ELMO1: variants seen among roughly 807,000 people sequenced by gnomAD.
The protein encoded by ELMO1 is engulfment and cell motility protein 1.
Under a neutral mutation model 98.9 loss-of-function variants are expected in ELMO1, and 26 were observed. The ratio of observed to expected loss-of-function variants is 0.26; its 90% CI spans 0.19 to 0.36. The LOEUF (loss-of-function observed/expected upper bound fraction) is 0.36, where lower values mean the gene tolerates loss of function less well. Ranked by LOEUF, ELMO1 falls within the 10% of genes least tolerant of loss-of-function variation. The pLI, the probability that ELMO1 is intolerant of heterozygous loss-of-function variation, is 1.00. For synonymous variants in ELMO1, 346 were observed against 346.0 expected (o/e 1.00, Z 0.00); for missense variants, 627 against 935.2 (o/e 0.67, Z 4.30).
intron 13 of ELMO1, among the ~76,000 whole-genome samples, chr7:37,188,466 A>ACC (rs1563065505): frequency 7.7e-6 from 1 of 129,488 alleles, no homozygotes; most frequent in African/African-American, 3.2e-5. Context: ...ACACACACAC[A>ACC]CACAGGCCAC....
At chr7:37,107,021 C>T (rs944881952) in intron 14 of ELMO1, among the ~76,000 whole-genome samples, 3 of 152,222 alleles carry the variant, frequency 2.0e-5, no homozygotes, top group Non-Finnish European at 4.4e-5. Context: ...CTTCCCCAAA[C>T]TATCAGCTGA....
intron 1 of ELMO1, among the ~76,000 whole-genome samples, chr7:37,437,462 T>C (rs1048005459): frequency 6.6e-6 from 1 of 152,254 alleles, no homozygotes; most frequent in African/African-American, 2.4e-5. Context: ...TCCCCGTCTG[T>C]ATTTTAACAG....
chr7:36,906,992 G>A (rs73106625), intron 16 of ELMO1, among the ~76,000 whole-genome samples: 1,709 of 152,090 alleles, frequency 0.011, 21 homozygotes, highest in Admixed American at 0.021. Context: ...TTCACTACTC[G>A]TCTCCCCAGC....
Position 36,854,183 on chromosome 7 carries a change from A to G in ELMO1, c.*1368T>C, listed in dbSNP as rs558786068. ...TGATGCTCAGAGCCTATGGTGACCT[A>G]GCAATGGTGGAGGGTTTCCCACAGC... On this transcript the variant is annotated 3_prime_UTR_variant, in exon 22 of 22. Transcript: ENST00000310758. Among the ~76,000 whole-genome samples the G allele has an allele frequency of 7.1e-3, 1,082 of 152,304 alleles. 13 individuals are homozygous for G. Among genetic ancestry groups the G allele is most frequent in the African/African-American group, 0.024 (1,017 of 41,546 alleles).
Position 37,072,878 on chromosome 7 carries a change from C to T in ELMO1, c.1300+23741G>A, listed in dbSNP as rs549692183. Among the ~76,000 whole-genome samples the T allele has an allele frequency of 2.0e-5, 3 of 152,272 alleles. No individual in the cohort carries two copies. The South Asian group carries it at 6.2e-4, about 32-fold the overall frequency. ...ATGTTTAACCTTTCTCATAAAAGAG[C>T]CAAGAATGAGACAATACCTTGAACT... On this transcript the variant is annotated intron_variant, in intron 15 of 21. Coordinates refer to ENST00000310758, the MANE Select transcript of ELMO1 (RefSeq NM_014800.11).
At chr7:36,967,164 C>T (rs1019035111) in intron 16 of ELMO1, among the ~76,000 whole-genome samples, 1 of 152,156 alleles carries the variant, frequency 6.6e-6, no homozygotes, top group Non-Finnish European at 1.5e-5. Context: ...TATCCTATTG[C>T]CTCTTCTCTA....
chr7:37,390,598 T>C (rs1803025105), intron 1 of ELMO1, among the ~76,000 whole-genome samples: 1 of 152,178 alleles, frequency 6.6e-6, no homozygotes, highest in Admixed American at 6.5e-5. Flanking sequence ...ATCCTTTTCA[T>C]GGTCCCCTAG....
chr7:37,385,031 C>CT (rs1335515686), intron 1 of ELMO1, among the ~76,000 whole-genome samples: 3 of 152,322 alleles, frequency 2.0e-5, no homozygotes, highest in African/African-American at 7.2e-5. Flanking sequence ...ATCGTAAACA[C>CT]TGTCTAGGAA....
At chr7:37,162,840 T>C (rs1375210252) in intron 13 of ELMO1, among the ~76,000 whole-genome samples, 1 of 152,204 alleles carries the variant, frequency 6.6e-6, no homozygotes, top group Non-Finnish European at 1.5e-5. Context: ...CACATAGGGT[T>C]CTTTTTTCCA....
intron 15 of ELMO1, among the ~76,000 whole-genome samples, chr7:37,083,149 C>G (rs1783567207): frequency 6.6e-6 from 1 of 152,248 alleles, no homozygotes; most frequent in South Asian, 2.1e-4. Context: ...GAATCCAGGT[C>G]TTCTAATGCT....
intron 18 of ELMO1, among the ~76,000 whole-genome samples, chr7:36,879,621 G>C (rs1804258458): frequency 6.6e-6 from 1 of 152,178 alleles, no homozygotes; most frequent in Non-Finnish European, 1.5e-5. Context: ...TCCACAAAAG[G>C]AGAGTGTCTC....
intron 13 of ELMO1, among the ~76,000 whole-genome samples, chr7:37,169,933 C>G (rs929151021): frequency 6.6e-6 from 1 of 152,082 alleles, no homozygotes; most frequent in Non-Finnish European, 1.5e-5. Flanking sequence ...GACAGTCTCA[C>G]TCTTGTCACC....
At chr7:37,229,602 C>T (rs935068087) in intron 8 of ELMO1, among the ~76,000 whole-genome samples, 1 of 152,048 alleles carries the variant, frequency 6.6e-6, no homozygotes, top group African/African-American at 2.4e-5. Flanking sequence ...ATTTCCTAGT[C>T]GATTTTTGTT....
intron 12 of ELMO1, among the ~76,000 whole-genome samples, chr7:37,212,087 G>C (rs1438918618): frequency 6.6e-6 from 1 of 152,212 alleles, no homozygotes. Flanking sequence ...CAATCTGGAT[G>C]AGCTTTGAAG....
intron 15 of ELMO1, among the ~76,000 whole-genome samples, chr7:37,081,618 T>C (rs1183129603): frequency 6.6e-6 from 1 of 152,324 alleles, no homozygotes; most frequent in East Asian, 1.9e-4. Flanking sequence ...GAAACCCCTT[T>C]CACTTGGCTC....
chr7:36,896,228 G>T (rs1805985972), intron 16 of ELMO1, among the ~76,000 whole-genome samples: 1 of 152,154 alleles, frequency 6.6e-6, no homozygotes, highest in Admixed American at 6.5e-5. Flanking sequence ...CTATGTAAAA[G>T]ATAAGGAAAC....
At chr7:37,236,118 A>G (rs1027517869) in intron 7 of ELMO1, among the ~76,000 whole-genome samples, 5 of 152,216 alleles carry the variant, frequency 3.3e-5, no homozygotes, top group Admixed American at 6.5e-5. Context: ...CTACCTGCTC[A>G]ATAGAGCCCT....
Position 36,878,116 on chromosome 7 carries a change from G to T in ELMO1, c.1716C>A (p.Asp572Glu). The change falls in exon 19 of 22, where the codon GAC becomes GAA. Residue 572 changes from aspartate to glutamate, a missense_variant and splice_region_variant. This residue lies in a region of ELMO1 where 492 missense variants were observed against 715.6 expected (regional missense o/e 0.69). Coordinates refer to ENST00000310758, the MANE Select transcript of ELMO1 (RefSeq NM_014800.11). ...GCGAAAGCCGACAATACCAAAACTT[G>T]TCTGAGAGAAAAAACACAAGTTTAC... is the stretch of plus-strand genomic sequence containing the variant. Reference protein sequence around the residue: ...FRKLNARRRQDKFWYCRLSPN... With the variant: ...FRKLNARRRQEKFWYCRLSPN... 2.5e-6 allele frequency: 4 copies of T among 1,612,960 alleles called. No individual in the cohort carries two copies. The highest frequency in any genetic ancestry group is 3.4e-6 in the Non-Finnish European group (4 of 1,179,108).
intron 13 of ELMO1, among the ~76,000 whole-genome samples, chr7:37,185,948 G>C (rs374399059): frequency 1.3e-5 from 2 of 152,118 alleles, no homozygotes; most frequent in Non-Finnish European, 2.9e-5. Context: ...TGACTTCTGC[G>C]TAGAAATCAA....
Sources: gnomAD v4.1 joint callset for allele counts (sites outside exome capture counted in the v4.1 genomes callset) on GRCh38, gnomAD v4.1.1 for gene constraint, gnomAD v4.1.1 regional missense constraint, MANE v1.5 for transcripts, NCBI Gene and HGNC (gene_info 2026-07-23, HGNC 2026-07-21) for gene names.